NFKB1: variants seen among roughly 807,000 people sequenced by gnomAD.
The protein encoded by NFKB1 is nuclear factor NF-kappa-B p105 subunit.
NFKB1 carries 9 observed loss-of-function variants against 105.1 expected under a neutral mutation model. That is an observed-to-expected ratio of 0.09 (90% CI 0.05 to 0.15). The LOEUF is 0.15. NFKB1 is among the 10% of genes least tolerant of loss of function. The probability of loss-of-function intolerance (pLI) is 1.00; values close to 1 mark genes in which losing one functional copy is unlikely to be tolerated. For missense variants in NFKB1, 830 were observed against 1,203.7 expected, an observed-to-expected ratio of 0.69 and a Z score of 4.59; for synonymous variants, 440 against 442.2, an observed-to-expected ratio of 1.00 and a Z score of 0.06.
intron 1 of NFKB1, among the ~76,000 whole-genome samples, chr4:102,511,284 A>T (rs950404947): frequency 1.3e-5 from 2 of 152,236 alleles, no homozygotes; most frequent in Non-Finnish European, 2.9e-5. Flanking sequence ...AGTCCTTTCT[A>T]TGTGCCAGAC....
At chr4:102,531,425 G>A (rs1041855896) in intron 3 of NFKB1, among the ~76,000 whole-genome samples, 3 of 152,150 alleles carry the variant, frequency 2.0e-5, no homozygotes, top group African/African-American at 7.2e-5. Flanking sequence ...TATATAGGAT[G>A]TTGTATTCAA....
At chr4:102,527,309 G>A (rs1051504407) in intron 2 of NFKB1, among the ~76,000 whole-genome samples, 5 of 152,152 alleles carry the variant, frequency 3.3e-5, no homozygotes, top group Non-Finnish European at 7.4e-5. Flanking sequence ...AGTTACGGAG[G>A]ACTTTCCGAA....
At chr4:102,575,035 C>T (rs1194209072) in intron 6 of NFKB1, among the ~76,000 whole-genome samples, 6 of 152,282 alleles carry the variant, frequency 3.9e-5, no homozygotes, top group Middle Eastern at 3.4e-3. Context: ...GCTGAAAGGG[C>T]CAAAAGATAT....
chr4:102,611,973 T>C, intron 20 of NFKB1, 71 bp from the exon 21 acceptor site: 1 of 1,265,798 alleles, frequency 7.9e-7, no homozygotes. Context: ...GAGTTGTTTA[T>C]TATAAAGAAA....
rs1311912849 is a variant in NFKB1 at position 102,617,118 on chromosome 4, ATACT to A, written c.*526_*529del. On this transcript the variant is annotated 3_prime_UTR_variant, in exon 24 of 24. Transcript: ENST00000226574. ...ATTTGCAAAAAAAAAAAAAAAAAAA[ATACT>A]TGTCAATATTTAAACATGGTTACAA... 2 of 151,674 alleles carry A rather than the reference ATACT, an allele frequency of 1.3e-5. No homozygotes were observed. Among genetic ancestry groups the A allele is most frequent in the African/African-American group, 4.9e-5 (2 of 40,926 alleles). The allele number at this position is 151,674 out of a possible 1,614,324, so 9.4% of individuals were successfully genotyped here. A position where few individuals can be genotyped will look rare whatever the true frequency, so the allele number is the denominator to read the frequency against.
At chr4:102,557,851 G>A (rs1162036082) in intron 5 of NFKB1, among the ~76,000 whole-genome samples, 1 of 152,050 alleles carries the variant, frequency 6.6e-6, no homozygotes, top group African/African-American at 2.4e-5. Flanking sequence ...TCTCACAGCT[G>A]GCAGAATTCC....
chr4:102,568,826 T>G (rs230499), intron 6 of NFKB1, among the ~76,000 whole-genome samples: 101,146 of 151,894 alleles, frequency 0.67, 34,094 homozygotes, highest in Middle Eastern at 0.76. Flanking sequence ...GTGCAGTGGG[T>G]TGTGGGCTCA....
chr4:102,517,085 A>G (rs1178263997), intron 1 of NFKB1, among the ~76,000 whole-genome samples: 1 of 152,122 alleles, frequency 6.6e-6, no homozygotes, highest in Non-Finnish European at 1.5e-5. Context: ...ACACTATCAC[A>G]GCTTGGTATT....
intron 11 of NFKB1, chr4:102,593,205 G>A (rs530796044): frequency 2.5e-4 from 89 of 362,864 alleles, no homozygotes; most frequent in African/African-American, 1.8e-3. Flanking sequence ...GTGGATTTGG[G>A]TGTGTACTGC....
chr4:102,571,897 T>A (rs922606053), intron 6 of NFKB1, among the ~76,000 whole-genome samples: 1 of 152,216 alleles, frequency 6.6e-6, no homozygotes, highest in Non-Finnish European at 1.5e-5. Context: ...GACTGTAAAC[T>A]AGTTCAGCCA....
At chr4:102,604,614 C>G (rs1376746478) in intron 16 of NFKB1, among the ~76,000 whole-genome samples, 1 of 151,564 alleles carries the variant, frequency 6.6e-6, no homozygotes, top group East Asian at 1.9e-4. Context: ...CTACATATAG[C>G]TAGTTTGTTG....
chr4:102,577,935 G>C, intron 7 of NFKB1: 2 of 985,358 alleles, frequency 2.0e-6, no homozygotes, highest in Non-Finnish European at 2.4e-6. Flanking sequence ...GTATCTTGTT[G>C]CTGCTCCGTG....
At chr4:102,591,419 C>CA (rs59255093) in intron 11 of NFKB1, among the ~76,000 whole-genome samples, 8,260 of 101,634 alleles carry the variant, frequency 0.081, 658 homozygotes, top group African/African-American at 0.23. Flanking sequence ...GACCCTGGCT[C>CA]AAAAAAAAAA....
intron 5 of NFKB1, among the ~76,000 whole-genome samples, chr4:102,548,606 T>G (rs1722319573): frequency 6.6e-6 from 1 of 152,166 alleles, no homozygotes; most frequent in Non-Finnish European, 1.5e-5. Context: ...CAACCGAAAT[T>G]TATTCTTTCA....
chr4:102,549,305 T>C (rs1399520345), intron 5 of NFKB1, among the ~76,000 whole-genome samples: 1 of 151,150 alleles, frequency 6.6e-6, no homozygotes, highest in Non-Finnish European at 1.5e-5. Flanking sequence ...ATGGCTTCTC[T>C]TTCTCCATTT....
Position 102,596,157 on chromosome 4 carries a change from TA to T in NFKB1, c.1325del (p.Lys442ArgfsTer15). The part of the protein sequence containing the change: ...MKHGTMDTES[K>X]KDPEGCDKSD... ...TCTTAGGAACCATGGACACTGAATC[TA>T]AAAAGGACCCTGAAGGTTGTGACAA... On this transcript the variant is annotated frameshift_variant, in exon 14 of 24. Coordinates refer to ENST00000226574, the MANE Select transcript of NFKB1 (RefSeq NM_003998.4). LOFTEE classifies it high-confidence loss of function. 2 of 1,599,974 alleles carry T rather than the reference TA, an allele frequency of 1.3e-6. No homozygotes were observed. Among genetic ancestry groups the T allele is most frequent in the Non-Finnish European group, 8.5e-7 (1 of 1,171,726 alleles).
rs1412494481 is a variant in NFKB1, at chr4:102,550,619, A to AT, written c.258+12665dup. On this transcript the variant is annotated intron_variant, in intron 5 of 23. Coordinates refer to ENST00000226574, the MANE Select transcript of NFKB1 (RefSeq NM_003998.4). ...CTTACTCATTTTGCTCAGTCCAATA[A>AT]TTCACACACATTTGTAGAAAAATAG... Among the ~76,000 whole-genome samples, 4 of 152,332 alleles carry AT rather than the reference A, an allele frequency of 2.6e-5. No homozygotes were observed. The East Asian group carries it at 7.7e-4, about 29-fold the overall frequency.
At chr4:102,559,447 G>A (rs1723228425) in intron 5 of NFKB1, among the ~76,000 whole-genome samples, 1 of 151,996 alleles carries the variant, frequency 6.6e-6, no homozygotes, top group African/African-American at 2.4e-5. Context: ...AAGCCATGGG[G>A]AGACAGGACA....
intron 5 of NFKB1, among the ~76,000 whole-genome samples, chr4:102,565,801 T>G (rs1256729609): frequency 6.6e-6 from 1 of 152,136 alleles, no homozygotes; most frequent in Non-Finnish European, 1.5e-5. Flanking sequence ...TTATGCATTT[T>G]GAATTACTGC....
Sources: gnomAD v4.1 joint callset for allele counts (sites outside exome capture counted in the v4.1 genomes callset) on GRCh38, gnomAD v4.1.1 for gene constraint, MANE v1.5 for transcripts, NCBI Gene and HGNC (gene_info 2026-07-23, HGNC 2026-07-21) for gene names.